The following SPACA7 variants were observed in gnomAD, a reference collection of about 807,000 sequenced individuals.
The protein encoded by SPACA7 is sperm acrosome associated 7.
A neutral mutation model predicts 26.3 loss-of-function variants in SPACA7; 19 were observed. The observed-to-expected ratio is 0.72, with a 90% CI of 0.50 to 1.06. SPACA7 has a LOEUF of 1.06. Among genes scored for constraint, SPACA7 ranks in the 50% least tolerant of loss-of-function variants. SPACA7 has a pLI of 0.00. For synonymous variants in SPACA7, 84 were observed against 84.5 expected (o/e 0.99, Z 0.04); for missense variants, 211 against 229.9 (o/e 0.92, Z 0.53).
intron 5 of SPACA7, among the ~76,000 whole-genome samples, chr13:112,421,732 G>A (rs1594320290): frequency 6.6e-6 from 1 of 152,122 alleles, no homozygotes; most frequent in Non-Finnish European, 1.5e-5. Context: ...TTGAGAGACT[G>A]GATAAAGAAA....
intron 2 of SPACA7, among the ~76,000 whole-genome samples, chr13:112,396,116 G>A (rs1349761239): frequency 7.3e-6 from 1 of 137,296 alleles, no homozygotes; most frequent in Non-Finnish European, 1.7e-5. Context: ...GGGAATCCCA[G>A]GGTGTCTGCA....
chr13:112,378,852 G>A (rs1342132599), intron 1 of SPACA7: 12 of 424,414 alleles, frequency 2.8e-5, no homozygotes, highest in Non-Finnish European at 5.4e-5. Context: ...TATGACCAAT[G>A]TTTCCAATCG....
At chr13:112,402,586 T>G (rs769270374) in intron 5 of SPACA7, among the ~76,000 whole-genome samples, 9 of 152,218 alleles carry the variant, frequency 5.9e-5, no homozygotes, top group African/African-American at 1.2e-4. Flanking sequence ...GTGGAGTGAG[T>G]GGGCATTCTT....
At chr13:112,431,525 C>T (rs994878344) in intron 5 of SPACA7, among the ~76,000 whole-genome samples, 2 of 152,144 alleles carry the variant, frequency 1.3e-5, no homozygotes, top group African/African-American at 4.8e-5. Flanking sequence ...ACAAGAGACT[C>T]ATTTACTCAG....
chr13:112,388,105 A>G (rs530083892), intron 1 of SPACA7, among the ~76,000 whole-genome samples: 1 of 152,280 alleles, frequency 6.6e-6, no homozygotes, highest in South Asian at 2.1e-4. Flanking sequence ...TCCATCAGCA[A>G]CCCCTTCGGA....
At position 112,434,633 on chromosome 13, in the gene SPACA7, C is replaced by A; in HGVS notation, c.*84C>A. 1 of 1,075,610 alleles carries A rather than the reference C, an allele frequency of 9.3e-7. No homozygotes were observed. Among genetic ancestry groups the A allele is most frequent in the Non-Finnish European group, 1.4e-6 (1 of 716,754 alleles). 66.6% of individuals were successfully genotyped at this position (1,075,610 alleles called of 1,614,324 possible). ...GCCTCCGGAACAGGGCACTTGTGTGCACACGCCCACGTTCTCTGAACCATT... is the reference window on the plus strand; with the variant it reads ...GCCTCCGGAACAGGGCACTTGTGTGAACACGCCCACGTTCTCTGAACCATT... On this transcript the variant is annotated 3_prime_UTR_variant, in exon 7 of 7. Coordinates refer to ENST00000283550, the MANE Select transcript of SPACA7 (RefSeq NM_145248.5).
At chr13:112,377,038 AC>A (rs1258388071) in intron 1 of SPACA7, among the ~76,000 whole-genome samples, 1 of 152,202 alleles carries the variant, frequency 6.6e-6, no homozygotes, top group African/African-American at 2.4e-5. Flanking sequence ...GGGGGCTACT[AC>A]CATGGTGTCT....
At position 112,434,533 on chromosome 13, in the gene SPACA7, G is replaced by A. The variant is rs1302796052; in HGVS notation, c.572G>A (p.Ser191Asn). The A allele has an allele frequency of 6.2e-7, 1 of 1,609,310 alleles. No individual in the cohort carries two copies. The highest frequency in any genetic ancestry group is 8.5e-7 in the Non-Finnish European group (1 of 1,178,230). ...CAGAGGACCAGCGCACAGAGGAGGAGCCAAGGCAGTCAGTGAGGCCGCAGC... is the reference window on the plus strand; with the variant it reads ...CAGAGGACCAGCGCACAGAGGAGGAACCAAGGCAGTCAGTGAGGCCGCAGC... The part of the protein sequence containing the change: ...EQQRTSAQRR[S>N]QGSQ The change falls in exon 7 of 7, where the codon AGC becomes AAC. Residue 191 changes from serine to asparagine, a missense_variant. Transcript: ENST00000283550.
chr13:112,381,998 A>C (rs1020870667), intron 1 of SPACA7, among the ~76,000 whole-genome samples: 15 of 152,174 alleles, frequency 9.9e-5, no homozygotes, highest in African/African-American at 3.6e-4. Flanking sequence ...TTAGCCCTAC[A>C]AAAGCAATCT....
chr13:112,434,622 G>A lies in SPACA7; in HGVS notation c.*73G>A. On this transcript the variant is annotated 3_prime_UTR_variant, in exon 7 of 7. Coordinates refer to ENST00000283550, the MANE Select transcript of SPACA7 (RefSeq NM_145248.5). Reference sequence around the variant, plus strand: ...CCCACCCACCAGCCTCCGGAACAGGGCACTTGTGTGCACACGCCCACGTTC... The same window carrying A: ...CCCACCCACCAGCCTCCGGAACAGGACACTTGTGTGCACACGCCCACGTTC... 5.9e-6 allele frequency: 7 copies of A among 1,181,012 alleles called. No individual in the cohort carries two copies. In the South Asian group the frequency reaches 9.1e-5, roughly 15 times the overall value. 73.2% of individuals were successfully genotyped at this position (1,181,012 alleles called of 1,614,324 possible).
intron 5 of SPACA7, among the ~76,000 whole-genome samples, chr13:112,416,357 G>A (rs1886694964): frequency 6.6e-6 from 1 of 151,990 alleles, no homozygotes. Context: ...CATGATCTCA[G>A]CTTACTGCAA....
At chr13:112,407,543 C>G (rs1232591122) in intron 5 of SPACA7, among the ~76,000 whole-genome samples, 2 of 152,098 alleles carry the variant, frequency 1.3e-5, no homozygotes, top group Non-Finnish European at 2.9e-5. Context: ...GATATCACCA[C>G]CGATACCAAA....
At chr13:112,421,004 A>C (rs952687954) in intron 5 of SPACA7, among the ~76,000 whole-genome samples, 13 of 152,154 alleles carry the variant, frequency 8.5e-5, no homozygotes, top group Non-Finnish European at 1.8e-4. Context: ...TGAAGACAAA[A>C]ATAAGGATTA....
chr13:112,420,288 A>G (rs976852189), intron 5 of SPACA7, among the ~76,000 whole-genome samples: 1 of 149,476 alleles, frequency 6.7e-6, no homozygotes, highest in African/African-American at 2.5e-5. Flanking sequence ...TGGAACTATC[A>G]GACAATGATA....
intron 1 of SPACA7, among the ~76,000 whole-genome samples, chr13:112,383,181 G>GA (rs369187539): frequency 1.7e-5 from 2 of 120,760 alleles, no homozygotes; most frequent in African/African-American, 3.4e-5. Flanking sequence ...AAGAAAGAAA[G>GA]AAAGAAAGAA....
chr13:112,380,872 A>T (rs532719147), intron 1 of SPACA7, among the ~76,000 whole-genome samples: 1 of 152,356 alleles, frequency 6.6e-6, no homozygotes, highest in East Asian at 1.9e-4. Context: ...TCAACAGAGA[A>T]AACTAGGAGT....
chr13:112,420,634 G>T (rs546093438), intron 5 of SPACA7, among the ~76,000 whole-genome samples: 1 of 152,106 alleles, frequency 6.6e-6, no homozygotes, highest in South Asian at 2.1e-4. Flanking sequence ...ATAAAGAGAC[G>T]AGAGAGAGCA....
chr13:112,397,026 C>A (rs112308963), intron 2 of SPACA7, among the ~76,000 whole-genome samples: 1 of 152,226 alleles, frequency 6.6e-6, no homozygotes, highest in Admixed American at 6.5e-5. Context: ...CTGCAGGGGG[C>A]CTCACTGGGG....
intron 1 of SPACA7, 100 bp from the exon 2 acceptor site, chr13:112,392,921 A>G (rs372660407): frequency 2.3e-4 from 216 of 929,958 alleles, no homozygotes; most frequent in African/African-American, 1.1e-3. Flanking sequence ...CTTCCTCTAG[A>G]GGGGGCTGGT....
Sources: allele counts gnomAD v4.1 joint callset (sites outside exome capture counted in the v4.1 genomes callset), GRCh38; gene constraint gnomAD v4.1.1; transcripts MANE v1.5; gene names NCBI Gene and HGNC (gene_info 2026-07-23, HGNC 2026-07-21).